Variants in ZMAT1 observed in about 807,000 individuals in gnomAD.
ZMAT1 encodes zinc finger matrin-type protein 1.
Under a neutral mutation model 18.5 loss-of-function variants are expected in ZMAT1, and 11 were observed. That is an observed-to-expected ratio of 0.59 (90% CI 0.37 to 0.98). The LOEUF (loss-of-function observed/expected upper bound fraction) is 0.98, where lower values mean the gene tolerates loss of function less well. Ranked by LOEUF, ZMAT1 falls within the 50% of genes least tolerant of loss-of-function variation. The pLI is 0.01. For synonymous variants in ZMAT1, 211 were observed against 176.4 expected, an observed-to-expected ratio of 1.20 and a Z score of -1.55; for missense variants, 525 against 496.2, an observed-to-expected ratio of 1.06 and a Z score of -0.55.
At chrX:101,895,374 C>G (rs895213568) in intron 4 of ZMAT1, among the ~76,000 whole-genome samples, 1 of 110,747 alleles carries the variant, frequency 9.0e-6, no homozygotes, top group Non-Finnish European at 1.9e-5. Flanking sequence ...ATGTTTGATT[C>G]TAAAATTAAG....
Position 101,931,866 on chromosome X carries a change from G to A in ZMAT1, c.143C>T (p.Pro48Leu). ...AAAAAAAVIV[P>L]ASSATSAPAC... ...AGGGGCGGAGGTGGCGGAGGAGGCA[G>A]GAACAATTACTGCCGCCGCCGCCGC... Residue 48 changes from proline (P) to leucine (L), a missense_variant, in exon 1 of 6, where the codon CCT becomes CTT. Physicochemically the swap from Pro to Leu is moderately conservative, Grantham distance 98. Transcript: ENST00000651725. 2.5e-6 allele frequency: 2 copies of A among 798,494 alleles called. No individual in the cohort carries two copies. Among genetic ancestry groups the A allele is most frequent in the Non-Finnish European group, 3.0e-6 (2 of 671,366 alleles). 65.8% of individuals were successfully genotyped at this position (798,494 alleles called of 1,213,427 possible). A position where few individuals can be genotyped will look rare whatever the true frequency, so the allele number is the denominator to read the frequency against.
chrX:101,930,465 G>T (rs1444278994), intron 1 of ZMAT1, among the ~76,000 whole-genome samples: 1 of 112,210 alleles, frequency 8.9e-6, no homozygotes, highest in Non-Finnish European at 1.9e-5. Flanking sequence ...TACAAATATT[G>T]TAAGGGATTT....
intron 4 of ZMAT1, 102 bp from the exon 5 acceptor site, chrX:101,886,833 G>T: frequency 3.5e-6 from 2 of 570,459 alleles, no homozygotes; most frequent in Non-Finnish European, 5.5e-6. Flanking sequence ...CCATCTACTT[G>T]ACATTTTCCA....
At chrX:101,896,719 C>A (rs1927833841) in intron 4 of ZMAT1, among the ~76,000 whole-genome samples, 1 of 111,602 alleles carries the variant, frequency 9.0e-6, no homozygotes, top group South Asian at 3.8e-4. Flanking sequence ...TTATTTACTA[C>A]AGAGGATTAA....
In ZMAT1 at chrX:101,898,055, C is replaced by T; in HGVS notation, c.502-13G>A. 1 of 1,209,763 alleles carries T rather than the reference C, an allele frequency of 8.3e-7. No homozygotes were observed. Among genetic ancestry groups the T allele is most frequent in the East Asian group, 3.0e-5 (1 of 33,818 alleles). On this transcript the variant is annotated splice_polypyrimidine_tract_variant and intron_variant, in intron 3 of 5. Transcript: ENST00000651725. The stretch of plus-strand genomic sequence containing the variant: ...CATACCTATGCACCTGAAATAGGCA[C>T]AATCTTGTTAGAAAGATTCAATAAC...
intron 1 of ZMAT1, among the ~76,000 whole-genome samples, chrX:101,910,309 A>C (rs990659638): frequency 2.7e-5 from 3 of 112,222 alleles, no homozygotes; most frequent in Admixed American, 1.9e-4. Flanking sequence ...GGACAGCTAC[A>C]AATAAGCCCA....
chrX:101,901,740 TA>T (rs1295958948), intron 2 of ZMAT1, among the ~76,000 whole-genome samples: 2 of 111,798 alleles, frequency 1.8e-5, no homozygotes, highest in Admixed American at 1.9e-4. Context: ...TACTATCTTG[TA>T]AAAATTGATT....
At chrX:101,895,264 AG>A (rs1927718419) in intron 4 of ZMAT1, among the ~76,000 whole-genome samples, 1 of 111,434 alleles carries the variant, frequency 9.0e-6, no homozygotes, top group Non-Finnish European at 1.9e-5. Context: ...ATACTTAGTA[AG>A]AATGATATAA....
At chrX:101,921,144 A>C (rs1929697406) in intron 1 of ZMAT1, among the ~76,000 whole-genome samples, 1 of 111,655 alleles carries the variant, frequency 9.0e-6, no homozygotes, top group Admixed American at 9.5e-5. Context: ...GTAATCTCTT[A>C]GTCAAACTAG....
rs1926715889 is a variant in ZMAT1, at chrX:101,884,096, A to C, written c.1502T>G (p.Leu501Arg). ...RPRHRMLEQK[L>R]PCETFQTYSG... ...ATAGGTCTGGAAAGTCTCACATGGG[A>C]GCTTTTGCTCCAACATTCTATGTCT... is the stretch of plus-strand genomic sequence containing the variant. The change falls in exon 6 of 6, where the codon CTC becomes CGC. Residue 501 changes from leucine to arginine, a missense_variant. Transcript: ENST00000651725. 8.3e-7 allele frequency: 1 copy of C among 1,207,432 alleles called. No homozygotes were observed. The highest frequency in any genetic ancestry group is 1.7e-5 in the African/African-American group (1 of 57,176).
At chrX:101,926,228 CTTATG>C (rs1357956865) in intron 1 of ZMAT1, among the ~76,000 whole-genome samples, 6 of 111,688 alleles carry the variant, frequency 5.4e-5, no homozygotes. Flanking sequence ...ACTAAAATTC[CTTATG>C]TTGATATAAA....
intron 1 of ZMAT1, among the ~76,000 whole-genome samples, chrX:101,918,150 C>T (rs1319991245): frequency 9.0e-6 from 1 of 111,016 alleles, no homozygotes; most frequent in Non-Finnish European, 1.9e-5. Context: ...CAGTAATAAC[C>T]ATATATTTTT....
At position 101,895,496 on chromosome X, in the gene ZMAT1, C is replaced by T. The variant is rs191046438; in HGVS notation, c.676+2372G>A. 1.4e-3 allele frequency among the ~76,000 whole-genome samples: 152 copies of T among 111,203 alleles called. 1 individual carries two copies. Among genetic ancestry groups the T allele is most frequent in the African/African-American group, 4.5e-3 (139 of 30,695 alleles). The stretch of plus-strand genomic sequence containing the variant: ...ATGATTCCATGAATACTATCAACCT[C>T]TCACTCAAGAAGAGTAAAATGGTAT... On this transcript the variant is annotated intron_variant, in intron 4 of 5. Transcript: ENST00000651725.
Position 101,884,674 on chromosome X carries a change from T to G in ZMAT1, c.924A>C (p.Glu308Asp). 8.3e-7 allele frequency: 1 copy of G among 1,209,410 alleles called. No individual in the cohort carries two copies. Among genetic ancestry groups the G allele is most frequent in the Non-Finnish European group, 1.1e-6 (1 of 894,656 alleles). Residue 308 changes from glutamate (E) to aspartate (D), a missense_variant, in exon 6 of 6, where the codon GAA (glutamate) becomes GAC (aspartate). Transcript: ENST00000651725. ...CGACCACTTCTCTGTATCTACGGGT[T>G]TCCAAAGAACTCTCTTCCATCTTTC... ...CFRKMEESSL[E>D]TRRYREVVDS...
At chrX:101,912,765 T>A (rs913684291) in intron 1 of ZMAT1, among the ~76,000 whole-genome samples, 1 of 111,686 alleles carries the variant, frequency 9.0e-6, no homozygotes, top group Admixed American at 9.5e-5. Context: ...TATAAACAGG[T>A]TTTTAGTTAT....
intron 1 of ZMAT1, among the ~76,000 whole-genome samples, chrX:101,926,230 T>C: frequency 8.9e-6 from 1 of 111,892 alleles, no homozygotes; most frequent in Non-Finnish European, 1.9e-5. Context: ...TAAAATTCCT[T>C]ATGTTGATAT....
At chrX:101,905,717 C>G (rs139950871) in intron 1 of ZMAT1, among the ~76,000 whole-genome samples, 1 of 111,146 alleles carries the variant, frequency 9.0e-6, no homozygotes, top group African/African-American at 3.3e-5. Flanking sequence ...ACTTTCTGTA[C>G]AACTGTCTTA....
Position 101,931,749 on chromosome X carries a change from A to C in ZMAT1, c.260T>G (p.Phe87Cys), listed in dbSNP as rs1048361456. 4.2e-5 allele frequency: 32 copies of C among 769,194 alleles called. No homozygotes were observed. Among genetic ancestry groups the C allele is most frequent in the Non-Finnish European group, 4.8e-5 (31 of 650,662 alleles). 63.4% of individuals were successfully genotyped at this position (769,194 alleles called of 1,213,427 possible). A position where few individuals can be genotyped will look rare whatever the true frequency, so the allele number is the denominator to read the frequency against. ...MAAAGRGGSS[F>C]KVDTRPCLRE... is the part of the protein sequence containing the mutation. ...GAGGCAAGGGCGGGTGTCTACTTTA[A>C]AACTACTGCCCCCCCTCCCCGCCGC... The change falls in exon 1 of 6, where the codon TTT (phenylalanine) becomes TGT (cysteine). Residue 87 changes from phenylalanine (F) to cysteine (C), a missense_variant. Coordinates refer to ENST00000651725, the MANE Select transcript of ZMAT1 (RefSeq NM_001394560.1).
At chrX:101,917,192 A>G (rs757950462) in intron 1 of ZMAT1, among the ~76,000 whole-genome samples, 3 of 112,101 alleles carry the variant, frequency 2.7e-5, no homozygotes, top group Non-Finnish European at 5.6e-5. Flanking sequence ...AAATGGGATC[A>G]TATCAAGTTA....
Sources: allele counts gnomAD v4.1 joint callset (sites outside exome capture counted in the v4.1 genomes callset), GRCh38; gene constraint gnomAD v4.1.1; transcripts MANE v1.5; gene names NCBI Gene and HGNC (gene_info 2026-07-23, HGNC 2026-07-21).